TXNL4A: variants seen among roughly 807,000 people sequenced by gnomAD.
TXNL4A encodes the protein thioredoxin-like protein 4A.
Under a neutral mutation model 14.6 loss-of-function variants are expected in TXNL4A, and 17 were observed. That is an observed-to-expected ratio of 1.16 (90% CI 0.80 to 1.74). The LOEUF is 1.74. Among genes scored for constraint, TXNL4A ranks in the 40% most tolerant of loss-of-function variants. TXNL4A has a pLI of 0.00. For synonymous variants in TXNL4A, 83 were observed against 70.6 expected, an observed-to-expected ratio of 1.18 and a Z score of -0.88; for missense variants, 74 against 195.2, an observed-to-expected ratio of 0.38 and a Z score of 3.70.
At chr18:80,016,263 C>T (rs990153397) in intron 1 of TXNL4A, among the ~76,000 whole-genome samples, 48 of 152,188 alleles carry the variant, frequency 3.2e-4, no homozygotes, top group African/African-American at 1.2e-3. Context: ...TGGATATTAG[C>T]CCTTTGTCAG....
At chr18:79,980,043 A>C (rs2145065773) in intron 1 of TXNL4A, among the ~76,000 whole-genome samples, 1 of 152,338 alleles carries the variant, frequency 6.6e-6, no homozygotes, top group South Asian at 2.1e-4. Context: ...ATACTGGAGT[A>C]GGTGGGCCCC....
intron 1 of TXNL4A, among the ~76,000 whole-genome samples, chr18:80,007,380 G>T (rs1191945405): frequency 6.6e-6 from 1 of 152,222 alleles, no homozygotes; most frequent in Non-Finnish European, 1.5e-5. Context: ...GAGCAATCTA[G>T]GGGATACGTA....
chr18:79,981,479 C>T (rs944328585), intron 1 of TXNL4A, among the ~76,000 whole-genome samples: 4 of 151,986 alleles, frequency 2.6e-5, no homozygotes, highest in Non-Finnish European at 5.9e-5. Flanking sequence ...CGAGACCAAC[C>T]TGGCCAACGT....
intron 1 of TXNL4A, among the ~76,000 whole-genome samples, chr18:80,013,400 C>T (rs928457793): frequency 5.3e-5 from 8 of 151,822 alleles, no homozygotes; most frequent in South Asian, 2.1e-4. Flanking sequence ...GGATTACAGG[C>T]GTGAGCCACC....
chr18:80,032,997 G>A (rs913363454), intron 1 of TXNL4A, among the ~76,000 whole-genome samples: 2 of 68,910 alleles, frequency 2.9e-5, no homozygotes, highest in Non-Finnish European at 6.3e-5. Flanking sequence ...GTTTGTTTGT[G>A]AAAACTCTGC....
intron 1 of TXNL4A, among the ~76,000 whole-genome samples, chr18:80,028,936 G>A (rs1179548075): frequency 3.3e-5 from 5 of 152,176 alleles, no homozygotes; most frequent in Non-Finnish European, 5.9e-5. Context: ...AGACACCACA[G>A]AAAGGGTAAC....
At chr18:80,020,875 A>G (rs2051844241) in intron 1 of TXNL4A, among the ~76,000 whole-genome samples, 1 of 150,272 alleles carries the variant, frequency 6.7e-6, no homozygotes, top group Admixed American at 6.6e-5. Flanking sequence ...CTTCTCACCT[A>G]ATGTTTTGGT....
At chr18:80,032,285 A>C (rs970492011) in intron 1 of TXNL4A, among the ~76,000 whole-genome samples, 33 of 152,194 alleles carry the variant, frequency 2.2e-4, no homozygotes, top group Non-Finnish European at 1.9e-4. Flanking sequence ...AGGAAGCAGC[A>C]ACCTGAGGCC....
In TXNL4A at chr18:79,972,381, G is replaced by C. The variant is rs1599705328; in HGVS notation, c.*1304C>G. 6.6e-6 allele frequency: 1 copy of C among 152,372 alleles called. No homozygotes were observed. Among genetic ancestry groups the C allele is most frequent in the Non-Finnish European group, 1.5e-5 (1 of 68,128 alleles). The allele number at this position is 152,372 out of a possible 1,614,324, so 9.4% of individuals were successfully genotyped here. ...TTTCACTTCAGAGCTCGAGTGTGCT[G>C]AGACGGGACACGAAGATCCCAACCA... On this transcript the variant is annotated 3_prime_UTR_variant, in exon 3 of 3. Transcript: ENST00000269601.
At chr18:79,989,869 G>C (rs1242184821), upstream of TXNL4A, among the ~76,000 whole-genome samples, 1 of 152,186 alleles carries the variant, frequency 6.6e-6, no homozygotes, top group Non-Finnish European at 1.5e-5. Context: ...GGTGGCGCCC[G>C]CCTATAATCC....
chr18:80,009,590 A>G (rs1366029506), intron 1 of TXNL4A, among the ~76,000 whole-genome samples: 2 of 152,220 alleles, frequency 1.3e-5, no homozygotes, highest in African/African-American at 4.8e-5. Context: ...GTTTTAAGGC[A>G]GAGATAGAGA....
At chr18:80,021,235 G>C (rs2051846836) in intron 1 of TXNL4A, among the ~76,000 whole-genome samples, 1 of 151,766 alleles carries the variant, frequency 6.6e-6, no homozygotes, top group Non-Finnish European at 1.5e-5. Context: ...GGACTACAGT[G>C]CCATGATCTC....
At chr18:80,008,274 T>C (rs1252282653) in intron 1 of TXNL4A, among the ~76,000 whole-genome samples, 2 of 152,186 alleles carry the variant, frequency 1.3e-5, no homozygotes, top group Non-Finnish European at 2.9e-5. Context: ...CATGGGAAGT[T>C]ATGGTCTGCT....
intron 1 of TXNL4A, among the ~76,000 whole-genome samples, chr18:80,016,883 T>G (rs897048199): frequency 6.6e-6 from 1 of 151,894 alleles, no homozygotes; most frequent in African/African-American, 2.4e-5. Context: ...AAAGTAGTTT[T>G]TTCCAATTCT....
chr18:80,025,449 C>T (rs964970916), intron 1 of TXNL4A, among the ~76,000 whole-genome samples: 7 of 152,188 alleles, frequency 4.6e-5, no homozygotes, highest in African/African-American at 1.7e-4. Context: ...AGGCAGGAAT[C>T]GGACTTCAAA....
At chr18:80,032,310 C>G (rs1003821381) in intron 1 of TXNL4A, among the ~76,000 whole-genome samples, 3 of 152,036 alleles carry the variant, frequency 2.0e-5, no homozygotes, top group Admixed American at 6.5e-5. Flanking sequence ...ACCCACATTC[C>G]TTTTTAAAAT....
chr18:80,001,497 G>C (rs2051698162), intron 1 of TXNL4A, among the ~76,000 whole-genome samples: 1 of 151,962 alleles, frequency 6.6e-6, no homozygotes, highest in South Asian at 2.1e-4. Context: ...CTGTGGCCCT[G>C]GAAGAGCCAC....
At chr18:79,984,401 C>CT (rs11438015) in intron 1 of TXNL4A, among the ~76,000 whole-genome samples, 117,213 of 151,994 alleles carry the variant, frequency 0.77, 46,216 homozygotes, top group East Asian at 0.91. Context: ...TGAGACCAGC[C>CT]GGCCAATATG....
At chr18:80,005,856 T>G (rs1472415462) in intron 1 of TXNL4A, among the ~76,000 whole-genome samples, 1 of 151,936 alleles carries the variant, frequency 6.6e-6, no homozygotes, top group African/African-American at 2.4e-5. Context: ...GAGGTTGCAG[T>G]TAGCTGAGAT....
Sources: gnomAD v4.1 joint callset for allele counts (sites outside exome capture counted in the v4.1 genomes callset) on GRCh38, gnomAD v4.1.1 for gene constraint, MANE v1.5 for transcripts, NCBI Gene and HGNC (gene_info 2026-07-23, HGNC 2026-07-21) for gene names.